CTXN3: variants seen among roughly 807,000 people sequenced by gnomAD.
CTXN3 encodes cortexin 3, also known as cortexin-3.
Under a neutral mutation model 5.0 loss-of-function variants are expected in CTXN3, and 4 were observed. The ratio of observed to expected loss-of-function variants is 0.79; its 90% CI spans 0.39 to 1.82. The LOEUF (loss-of-function observed/expected upper bound fraction) is 1.82. Among genes scored for constraint, CTXN3 ranks in the 40% most tolerant of loss-of-function variants. CTXN3 has a pLI of 0.04. For missense variants in CTXN3, 89 were observed against 99.7 expected, an observed-to-expected ratio of 0.89 and a Z score of 0.46; for synonymous variants, 48 against 38.6, an observed-to-expected ratio of 1.24 and a Z score of -0.91.
At chr5:127,655,780 C>G (rs949140767) in intron 2 of CTXN3, among the ~76,000 whole-genome samples, 1 of 152,282 alleles carries the variant, frequency 6.6e-6, no homozygotes, top group African/African-American at 2.4e-5. Context: ...ATTTTTATCC[C>G]AATCTTACTT....
chr5:127,649,168 C>T lies in CTXN3; in HGVS notation c.-427C>T, dbSNP rs1020839341. 1 of 152,180 alleles carries T rather than the reference C, an allele frequency of 6.6e-6. No individual in the cohort carries two copies. The highest frequency in any genetic ancestry group is 2.4e-5 in the African/African-American group (1 of 41,438). The allele number at this position is 152,180 out of a possible 1,614,324, so 9.4% of individuals were successfully genotyped here. A position where few individuals can be genotyped will look rare whatever the true frequency, so the allele number is the denominator to read the frequency against. On this transcript the variant is annotated 5_prime_UTR_variant, in exon 1 of 3. Coordinates refer to ENST00000379445, the MANE Select transcript of CTXN3 (RefSeq NM_001048252.3). ...AGTATTGGCCGTTAATGATGCCTCA[C>T]ACAGAAAGACGATGCTCCTTTAACT... is the stretch of plus-strand genomic sequence containing the variant.
chr5:127,655,845 A>C (rs181954630), intron 2 of CTXN3, among the ~76,000 whole-genome samples: 98 of 152,390 alleles, frequency 6.4e-4, no homozygotes, highest in African/African-American at 2.3e-3. Context: ...CTTTAAAAAA[A>C]TTCAAAGTGA....
chr5:127,653,155 A>C (rs556095875), intron 1 of CTXN3, 162 bp from the exon 2 acceptor site: 1 of 152,318 alleles, frequency 6.6e-6, no homozygotes, highest in East Asian at 1.9e-4. Context: ...AAGAGTGTGA[A>C]TGACCCTGGC....
chr5:127,654,953 G>A (rs1016975953), intron 2 of CTXN3, among the ~76,000 whole-genome samples: 5 of 152,032 alleles, frequency 3.3e-5, no homozygotes, highest in Non-Finnish European at 5.9e-5. Context: ...TGGATTATAT[G>A]GTGTTTTCCT....
At position 127,658,526 on chromosome 5, in the gene CTXN3, T is replaced by A. The variant is rs1749968649; in HGVS notation, c.*759T>A. 1 of 167,144 alleles carries A rather than the reference T, an allele frequency of 6.0e-6. No individual in the cohort carries two copies. The highest frequency in any genetic ancestry group is 2.4e-5 in the African/African-American group (1 of 41,478). 10.4% of individuals were successfully genotyped at this position (167,144 alleles called of 1,614,324 possible). Reference sequence around the variant, plus strand: ...GTTGCAAGTGCAGCTTAAAGTTTTTTTTCAATGAAAAGTTAATTGTTTAGA... The same window carrying A: ...GTTGCAAGTGCAGCTTAAAGTTTTTATTCAATGAAAAGTTAATTGTTTAGA... On this transcript the variant is annotated 3_prime_UTR_variant, in exon 3 of 3. Coordinates refer to ENST00000379445, the MANE Select transcript of CTXN3 (RefSeq NM_001048252.3).
chr5:127,653,126 A>G (rs1239969654), intron 1 of CTXN3, 191 bp from the exon 2 acceptor site: 1 of 152,174 alleles, frequency 6.6e-6, no homozygotes, highest in Non-Finnish European at 1.5e-5. Flanking sequence ...GAAAATTACT[A>G]AAACTAAAGC....
chr5:127,652,283 G>A (rs1013155404), intron 1 of CTXN3: 28 of 152,156 alleles, frequency 1.8e-4, no homozygotes, highest in African/African-American at 6.3e-4. Context: ...ACCTCAGTCC[G>A]GCTTGATGAC....
intron 2 of CTXN3, among the ~76,000 whole-genome samples, chr5:127,654,443 CAT>C (rs1442143057): frequency 6.6e-6 from 1 of 152,186 alleles, no homozygotes; most frequent in Non-Finnish European, 1.5e-5. Flanking sequence ...TTTTAAAAAT[CAT>C]TCTAATACTT....
intron 1 of CTXN3, among the ~76,000 whole-genome samples, chr5:127,650,161 A>G (rs975713783): frequency 6.6e-6 from 1 of 152,134 alleles, no homozygotes; most frequent in Non-Finnish European, 1.5e-5. Context: ...GCTGACCCAG[A>G]GCTTAAAAGC....
Position 127,658,026 on chromosome 5 carries a change from T to C in CTXN3, c.*259T>C, listed in dbSNP as rs1441712542. The stretch of plus-strand genomic sequence containing the variant: ...AATGAGTACTCTTAAAATTGTGTGA[T>C]TGTGAAACCAAGAGCGTTAATACTG... On this transcript the variant is annotated 3_prime_UTR_variant, in exon 3 of 3. Transcript: ENST00000379445. The C allele has an allele frequency of 8.9e-6, 4 of 448,684 alleles. No individual in the cohort carries two copies. In the Admixed American group the frequency reaches 1.5e-4, roughly 17 times the overall value. The allele number at this position is 448,684 out of a possible 1,614,324, so 27.8% of individuals were successfully genotyped here. A position where few individuals can be genotyped will look rare whatever the true frequency, so the allele number is the denominator to read the frequency against.
Position 127,658,035 on chromosome 5 carries a change from CAA to C in CTXN3, c.*269_*270del, listed in dbSNP as rs1749956485. ...TCTTAAAATTGTGTGATTGTGAAAC[CAA>C]GAGCGTTAATACTGACATAGATTTG... On this transcript the variant is annotated 3_prime_UTR_variant, in exon 3 of 3. Coordinates refer to ENST00000379445, the MANE Select transcript of CTXN3 (RefSeq NM_001048252.3). 5 of 430,730 alleles carry C rather than the reference CAA, an allele frequency of 1.2e-5. 1 individual carries two copies. In the South Asian group the frequency reaches 1.3e-4, roughly 11 times the overall value. 26.7% of individuals were successfully genotyped at this position (430,730 alleles called of 1,614,324 possible).
At chr5:127,649,891 A>G (rs1471022519) in intron 1 of CTXN3, among the ~76,000 whole-genome samples, 1 of 152,168 alleles carries the variant, frequency 6.6e-6, no homozygotes, top group Non-Finnish European at 1.5e-5. Flanking sequence ...ACTATGAAAC[A>G]CACAAAGAAA....
intron 2 of CTXN3, chr5:127,653,831 A>G (rs1436191514): frequency 1.3e-5 from 2 of 152,208 alleles, no homozygotes; most frequent in African/African-American, 2.4e-5. Flanking sequence ...AGGGATTTCA[A>G]TCAGTCCTGG....
At chr5:127,650,417 C>T (rs1278266683) in intron 1 of CTXN3, among the ~76,000 whole-genome samples, 2 of 152,128 alleles carry the variant, frequency 1.3e-5, no homozygotes, top group Non-Finnish European at 2.9e-5. Flanking sequence ...CCCTTAGCCC[C>T]CCTTTGAATT....
In CTXN3 at chr5:127,657,484, GA is replaced by G. The variant is rs751812987; in HGVS notation, c.-34del. Reference sequence around the variant, plus strand: ...TCCGCAGATTGATGATGGAAGAAAAGAAAACCAGGATATCCTGTGCTCTGGC... The same window carrying G: ...TCCGCAGATTGATGATGGAAGAAAAGAAACCAGGATATCCTGTGCTCTGGC... On this transcript the variant is annotated 5_prime_UTR_variant, in exon 3 of 3. Transcript: ENST00000379445. 28 of 1,608,020 alleles carry G rather than the reference GA, an allele frequency of 1.7e-5. No individual in the cohort carries two copies. Among genetic ancestry groups the G allele is most frequent in the Non-Finnish European group, 8.5e-6 (10 of 1,176,862 alleles).
Position 127,658,017 on chromosome 5 carries a change from A to T in CTXN3, c.*250A>T. 2.2e-6 allele frequency: 1 copy of T among 461,708 alleles called. No homozygotes were observed. The allele number at this position is 461,708 out of a possible 1,614,324, so 28.6% of individuals were successfully genotyped here. A position where few individuals can be genotyped will look rare whatever the true frequency, so the allele number is the denominator to read the frequency against. On this transcript the variant is annotated 3_prime_UTR_variant, in exon 3 of 3. Transcript: ENST00000379445. ...TGCTCAATGAATGAGTACTCTTAAA[A>T]TTGTGTGATTGTGAAACCAAGAGCG...
chr5:127,655,803 G>A (rs923625615), intron 2 of CTXN3, among the ~76,000 whole-genome samples: 1 of 152,070 alleles, frequency 6.6e-6, no homozygotes, highest in Non-Finnish European at 1.5e-5. Context: ...AAACAAACAT[G>A]AATTATAAAT....
intron 2 of CTXN3, among the ~76,000 whole-genome samples, chr5:127,656,145 C>G (rs1459430751): frequency 6.6e-6 from 1 of 152,008 alleles, no homozygotes; most frequent in Non-Finnish European, 1.5e-5. Context: ...TAGCTAATTA[C>G]TGTGCTTTGT....
chr5:127,655,650 C>T (rs1561421684), intron 2 of CTXN3, among the ~76,000 whole-genome samples: 1 of 152,194 alleles, frequency 6.6e-6, no homozygotes. Flanking sequence ...CCTTCCTGGC[C>T]CACAAGGAAT....
Sources: allele counts gnomAD v4.1 joint callset (sites outside exome capture counted in the v4.1 genomes callset), GRCh38; gene constraint gnomAD v4.1.1; transcripts MANE v1.5; gene names NCBI Gene and HGNC (gene_info 2026-07-23, HGNC 2026-07-21).